The following CCDC91 variants were observed in gnomAD, a reference collection of about 807,000 sequenced individuals.
The protein encoded by CCDC91 is coiled-coil domain containing 91, also known as coiled-coil domain-containing protein 91.
Under a neutral mutation model 63.2 loss-of-function variants are expected in CCDC91, and 48 were observed. The ratio of observed to expected loss-of-function variants is 0.76; its 90% CI spans 0.60 to 0.97. CCDC91 has a LOEUF of 0.97. CCDC91 is among the 50% of genes least tolerant of loss of function. The pLI is 0.00. For missense variants in CCDC91, 500 were observed against 494.6 expected (o/e 1.01, Z -0.10); for synonymous variants, 167 against 165.8 (o/e 1.01, Z -0.06).
rs1164091470 is a variant in CCDC91 at position 28,271,929 on chromosome 12, T to C, written c.109+12487T>C. ...TATATATAAATATAGATATTATATA[T>C]ATAAGTCCACAAGACATTATTATTA... On this transcript the variant is annotated intron_variant, in intron 3 of 12. Transcript: ENST00000536442. 3.3e-5 allele frequency among the ~76,000 whole-genome samples: 5 copies of C among 149,370 alleles called. No homozygotes were observed. In the East Asian group the frequency reaches 9.7e-4, roughly 29 times the overall value.
At chr12:28,280,014 A>G (rs1361692553) in intron 3 of CCDC91, among the ~76,000 whole-genome samples, 1 of 152,114 alleles carries the variant, frequency 6.6e-6, no homozygotes, top group African/African-American at 2.4e-5. Flanking sequence ...TTGAGAATAT[A>G]AACAGAGGAA....
At chr12:28,346,528 G>A (rs905110177) in intron 6 of CCDC91, among the ~76,000 whole-genome samples, 14 of 152,270 alleles carry the variant, frequency 9.2e-5, no homozygotes, top group South Asian at 6.2e-4. Flanking sequence ...TCCCTTCAGT[G>A]TGTAGTATTT....
intron 8 of CCDC91, among the ~76,000 whole-genome samples, chr12:28,449,084 A>G (rs961403592): frequency 3.3e-5 from 5 of 152,016 alleles, no homozygotes; most frequent in African/African-American, 9.7e-5. Flanking sequence ...TTTAAGGAAA[A>G]ACACATCTTT....
At chr12:28,358,282 AGG>A (rs1298058817) in intron 6 of CCDC91, among the ~76,000 whole-genome samples, 5 of 152,326 alleles carry the variant, frequency 3.3e-5, no homozygotes. Context: ...GAACCTGTCA[AGG>A]AGCCTACTTT....
At chr12:28,526,867 A>T (rs1379079504) in intron 12 of CCDC91, among the ~76,000 whole-genome samples, 1 of 151,786 alleles carries the variant, frequency 6.6e-6, no homozygotes, top group Non-Finnish European at 1.5e-5. Context: ...CAAGCTCTGA[A>T]GTTCTTTCTT....
chr12:28,308,390 G>C (rs1176105881), intron 6 of CCDC91, among the ~76,000 whole-genome samples: 1 of 151,866 alleles, frequency 6.6e-6, no homozygotes, highest in African/African-American at 2.4e-5. Context: ...TTTTGTTTTT[G>C]TCACTGCCCA....
chr12:28,397,676 AT>A (rs1040058610), intron 8 of CCDC91, among the ~76,000 whole-genome samples: 2 of 151,868 alleles, frequency 1.3e-5, no homozygotes, highest in African/African-American at 2.4e-5. Context: ...GCATTTATGA[AT>A]TTTTTTTGAG....
chr12:28,194,653 T>C (rs2121262410), intron 1 of CCDC91, among the ~76,000 whole-genome samples: 1 of 152,192 alleles, frequency 6.6e-6, no homozygotes, highest in South Asian at 2.1e-4. Flanking sequence ...TTCCTCCTGG[T>C]GGGTTTGTGG....
At chr12:28,309,565 C>T (rs555721942) in intron 6 of CCDC91, among the ~76,000 whole-genome samples, 1 of 152,084 alleles carries the variant, frequency 6.6e-6, no homozygotes, top group East Asian at 1.9e-4. Flanking sequence ...CGTCTCTAAC[C>T]TATTGCTCCT....
chr12:28,203,690 A>G (rs1942633313), intron 1 of CCDC91, among the ~76,000 whole-genome samples: 1 of 152,188 alleles, frequency 6.6e-6, no homozygotes, highest in Non-Finnish European at 1.5e-5. Flanking sequence ...TGATTATATG[A>G]GTGAAAGAGA....
intron 7 of CCDC91, among the ~76,000 whole-genome samples, chr12:28,380,745 T>G (rs1229962642): frequency 6.6e-6 from 1 of 152,146 alleles, no homozygotes; most frequent in Non-Finnish European, 1.5e-5. Flanking sequence ...AAAGGGCATA[T>G]TTCTTTAACA....
intron 12 of CCDC91, among the ~76,000 whole-genome samples, chr12:28,520,817 A>G (rs1164195041): frequency 6.6e-6 from 1 of 152,198 alleles, no homozygotes; most frequent in Non-Finnish European, 1.5e-5. Flanking sequence ...AGCACCATTC[A>G]TTAAATAGGG....
Position 28,452,563 on chromosome 12 carries a change from G to A in CCDC91, c.1010G>A (p.Arg337Lys). Residue 337 changes from arginine (R) to lysine (K), a missense_variant, in exon 11 of 13, where the codon AGG becomes AAG. Physicochemically the swap from Arg to Lys is conservative, Grantham distance 26. Coordinates refer to ENST00000536442, the MANE Select transcript of CCDC91 (RefSeq NM_018318.5). ...KNLEKAHAEERELWKTEHAKD... is the reference protein window; with the variant it reads ...KNLEKAHAEEKELWKTEHAKD... ...TTAGAAAAAGCGCATGCTGAAGAAA[G>A]GGAATTATGGAAGACAGAACATGCA... The A allele has an allele frequency of 1.3e-6, 2 of 1,591,316 alleles. No homozygotes were observed. Among genetic ancestry groups the A allele is most frequent in the Non-Finnish European group, 1.7e-6 (2 of 1,168,300 alleles).
At chr12:28,407,973 A>ATTT (rs1187781061) in intron 8 of CCDC91, among the ~76,000 whole-genome samples, 1 of 127,700 alleles carries the variant, frequency 7.8e-6, no homozygotes, top group East Asian at 2.1e-4. Flanking sequence ...TATTTTTTTT[A>ATTT]TTTTTTATTT....
At chr12:28,329,699 G>A (rs1366684408) in intron 6 of CCDC91, among the ~76,000 whole-genome samples, 2 of 152,094 alleles carry the variant, frequency 1.3e-5, no homozygotes, top group African/African-American at 4.8e-5. Context: ...CACGTGCCAT[G>A]TTGGTTTGCT....
rs1375023248 is a variant in CCDC91 at position 28,311,548 on chromosome 12, C to T, written c.576+3799C>T. Among the ~76,000 whole-genome samples the T allele has an allele frequency of 2.6e-5, 4 of 151,872 alleles. No homozygotes were observed. The South Asian group carries it at 8.3e-4, about 32-fold the overall frequency. On this transcript the variant is annotated intron_variant, in intron 6 of 12. Coordinates refer to ENST00000536442, the MANE Select transcript of CCDC91 (RefSeq NM_018318.5). Reference sequence around the variant, plus strand: ...GACAGAGGTGGTTTAAAAATAAAGGCGAAACTTGGAAATAAGGAAAAAGGT... The same window carrying T: ...GACAGAGGTGGTTTAAAAATAAAGGTGAAACTTGGAAATAAGGAAAAAGGT...
At chr12:28,475,648 T>G (rs1244773739) in intron 11 of CCDC91, among the ~76,000 whole-genome samples, 1 of 152,024 alleles carries the variant, frequency 6.6e-6, no homozygotes, top group Non-Finnish European at 1.5e-5. Flanking sequence ...TCCCTCTGTC[T>G]TGAGTGCTCT....
chr12:28,358,853 G>A (rs1479968542), intron 6 of CCDC91, among the ~76,000 whole-genome samples: 1 of 152,158 alleles, frequency 6.6e-6, no homozygotes, highest in Non-Finnish European at 1.5e-5. Flanking sequence ...CAAATAGCAA[G>A]TATAGCAAGT....
chr12:28,493,742 A>G (rs1952134839), intron 12 of CCDC91, among the ~76,000 whole-genome samples: 1 of 151,586 alleles, frequency 6.6e-6, no homozygotes, highest in South Asian at 2.1e-4. Flanking sequence ...ATAATAAAAT[A>G]CTGAAGGTAT....
Sources: allele counts gnomAD v4.1 joint callset (sites outside exome capture counted in the v4.1 genomes callset), GRCh38; gene constraint gnomAD v4.1.1; transcripts MANE v1.5; gene names NCBI Gene and HGNC (gene_info 2026-07-23, HGNC 2026-07-21).